Variants in DOT1L observed in about 807,000 individuals in gnomAD.
DOT1L encodes histone-lysine N-methyltransferase, H3 lysine-79 specific.
Under a neutral mutation model 153.3 loss-of-function variants are expected in DOT1L, and 33 were observed. That is an observed-to-expected ratio of 0.22 (90% CI 0.16 to 0.29). DOT1L has a LOEUF of 0.29. Ranked by LOEUF, DOT1L falls within the 10% of genes least tolerant of loss-of-function variation. The pLI, the probability that DOT1L is intolerant of heterozygous loss-of-function variation, is 1.00. For synonymous variants in DOT1L, 1,135 were observed against 965.1 expected (o/e 1.18, Z -3.26); for missense variants, 1,847 against 2,119.9 (o/e 0.87, Z 2.53).
intron 1 of DOT1L, among the ~76,000 whole-genome samples, chr19:2,170,002 C>T (rs973280353): frequency 3.4e-4 from 52 of 152,160 alleles, no homozygotes; most frequent in African/African-American, 1.3e-3. Context: ...ACCAAAAATA[C>T]AAAAATTAGC....
At position 2,217,050 on chromosome 19, in the gene DOT1L, C is replaced by G. The variant is rs2144873039; in HGVS notation, c.2504C>G (p.Pro835Arg). ...LSPQDPRPLS[P>R]GALQLAGEKS... ...CCTCAGGACCCGCGGCCCCTGTCCC[C>G]TGGGGCCTTGCAGCTTGCTGGAGAG... Residue 835 changes from proline (P) to arginine (R), a missense_variant, in exon 21 of 28, where the codon CCT becomes CGT. Pro to Arg is a moderately radical substitution (Grantham distance 103). This residue lies in a region of DOT1L where 281 missense variants were observed against 263.6 expected (regional missense o/e 1.07). Transcript: ENST00000398665. This position sits in a 1 kb window ranked among gnomAD's most constrained non-coding sequence, Gnocchi z 7.3. 2 of 1,611,522 alleles carry G rather than the reference C, an allele frequency of 1.2e-6. No individual in the cohort carries two copies. The highest frequency in any genetic ancestry group is 8.5e-7 in the Non-Finnish European group (1 of 1,178,928).
chr19:2,173,696 C>T (rs2021768269), intron 1 of DOT1L, among the ~76,000 whole-genome samples: 1 of 152,224 alleles, frequency 6.6e-6, no homozygotes, highest in South Asian at 2.1e-4. Flanking sequence ...CGGAAGACCT[C>T]CCCCAGACCC....
chr19:2,226,635 C>T lies in DOT1L; in HGVS notation c.4114C>T (p.Gln1372Ter). ...CGCCAACCCTTTCCTGAGCAAGAGG[C>T]AGCTGGACGGCCTGGCTGGGCTGAA... ...SDANPFLSKRQLDGLAGLKGE... is the reference protein window; with the variant it reads ...SDANPFLSKR The change falls in exon 27 of 28, where the codon CAG (glutamine) becomes TAG (stop). Residue 1372 changes from glutamine (Q) to a stop codon, truncating the protein, a stop_gained. Transcript: ENST00000398665. LOFTEE classifies it high-confidence loss of function. 1 of 1,591,638 alleles carries T rather than the reference C, an allele frequency of 6.3e-7. No individual in the cohort carries two copies.
Position 2,192,047 on chromosome 19 carries a change from C to T in DOT1L, c.493+807C>T, listed in dbSNP as rs138218832. On this transcript the variant is annotated intron_variant, in intron 5 of 27. Transcript: ENST00000398665. ...CACCCAAGGGTCAGACAGTGAAGGC[C>T]CCTTCTCCACAGTGTCTAGGCTGTC... Among the ~76,000 whole-genome samples the T allele has an allele frequency of 2.8e-4, 42 of 152,280 alleles. 1 individual carries two copies. The highest frequency in any genetic ancestry group is 9.9e-4 in the African/African-American group (41 of 41,578).
At chr19:2,200,504 C>T (rs1439501328) in intron 8 of DOT1L, among the ~76,000 whole-genome samples, 1 of 152,192 alleles carries the variant, frequency 6.6e-6, no homozygotes, top group African/African-American at 2.4e-5. Flanking sequence ...GGCTGGGCCC[C>T]CGTGCTTTCC....
chr19:2,220,624 T>G lies in DOT1L; in HGVS notation c.2806+402T>G. 2.3e-6 allele frequency: 1 copy of G among 433,688 alleles called. No individual in the cohort carries two copies. The highest frequency in any genetic ancestry group is 4.7e-6 in the Non-Finnish European group (1 of 213,506). The allele number at this position is 433,688 out of a possible 1,614,324, so 26.9% of individuals were successfully genotyped here. A position where few individuals can be genotyped will look rare whatever the true frequency, so the allele number is the denominator to read the frequency against. The stretch of plus-strand genomic sequence containing the variant: ...GTGCTGGTAGCGGCATGGTTTCTGG[T>G]TCCTTGAGAAGGTGCCGCCTGAGCA... On this transcript the variant is annotated intron_variant, in intron 23 of 27. Coordinates refer to ENST00000398665, the MANE Select transcript of DOT1L (RefSeq NM_032482.3). This position sits in a 1 kb window ranked among gnomAD's most constrained non-coding sequence, Gnocchi z 4.5.
intron 3 of DOT1L, among the ~76,000 whole-genome samples, chr19:2,187,024 C>G (rs2022542369): frequency 6.6e-6 from 1 of 152,210 alleles, no homozygotes; most frequent in African/African-American, 2.4e-5. Context: ...CCTGTGCTTT[C>G]GGGTTTTCAC....
At position 2,223,382 on chromosome 19, in the gene DOT1L, C is replaced by G; in HGVS notation, c.3492C>G (p.Pro1164=). ...PVPYQDHDQP[P]VLKKERPLSQ... is the part of the protein sequence containing the mutation. ...CCTACCAGGACCACGACCAGCCCCC[C>G]GTGCTCAAGAAGGAGCGGCCTCTGA... Residue 1164 remains proline, a synonymous_variant, in exon 25 of 28, where the codon CCC becomes CCG. Coordinates refer to ENST00000398665, the MANE Select transcript of DOT1L (RefSeq NM_032482.3). The G allele has an allele frequency of 6.2e-7, 1 of 1,613,842 alleles. No homozygotes were observed. Among genetic ancestry groups the G allele is most frequent in the African/African-American group, 1.3e-5 (1 of 74,976 alleles).
intron 25 of DOT1L, among the ~76,000 whole-genome samples, chr19:2,224,944 G>A (rs530122583): frequency 2.6e-5 from 4 of 152,196 alleles, no homozygotes; most frequent in African/African-American, 4.8e-5. Flanking sequence ...GGATCAAAGC[G>A]ACCCCATGCA....
At chr19:2,189,856 A>C (rs1599559259) in intron 4 of DOT1L, 61 bp downstream of exon 4, 1 of 1,571,532 alleles carries the variant, frequency 6.4e-7, no homozygotes, top group Non-Finnish European at 8.7e-7. Flanking sequence ...ACCCCTCCAG[A>C]CCCCTTATGT....
chr19:2,206,634 G>A (rs1027953140), intron 9 of DOT1L, 95 bp from the exon 10 acceptor site: 45 of 1,238,600 alleles, frequency 3.6e-5, no homozygotes, highest in Non-Finnish European at 5.1e-5. Context: ...GTGTGTGTGT[G>A]TTCCGTGTCA....
chr19:2,180,392 G>T (rs1025070732), intron 1 of DOT1L, among the ~76,000 whole-genome samples: 1 of 152,196 alleles, frequency 6.6e-6, no homozygotes, highest in Non-Finnish European at 1.5e-5. Context: ...CATGTGGAGC[G>T]GAGCTTGGGG....
Position 2,208,435 on chromosome 19 carries a change from G to C in DOT1L, c.964-500G>C, listed in dbSNP as rs974397922. ...GTCTGGGGACCGACAGCCCCAGGCAGATGCACCCCGCCCTCCCACTGCTCC... is the reference window on the plus strand; with the variant it reads ...GTCTGGGGACCGACAGCCCCAGGCACATGCACCCCGCCCTCCCACTGCTCC... On this transcript the variant is annotated intron_variant, in intron 11 of 27. Coordinates refer to ENST00000398665, the MANE Select transcript of DOT1L (RefSeq NM_032482.3). This position sits in a 1 kb window ranked among gnomAD's most constrained non-coding sequence, Gnocchi z 4.4. Among the ~76,000 whole-genome samples, 4 of 152,054 alleles carry C rather than the reference G, an allele frequency of 2.6e-5. No individual in the cohort carries two copies. Among genetic ancestry groups the C allele is most frequent in the Non-Finnish European group, 5.9e-5 (4 of 67,980 alleles).
At position 2,201,622 on chromosome 19, in the gene DOT1L, C is replaced by T. The variant is rs561936973; in HGVS notation, c.708-1078C>T. Among the ~76,000 whole-genome samples, 12 of 152,336 alleles carry T rather than the reference C, an allele frequency of 7.9e-5. No homozygotes were observed. In the South Asian group the frequency reaches 1.4e-3, roughly 18 times the overall value. On this transcript the variant is annotated intron_variant, in intron 8 of 27. Coordinates refer to ENST00000398665, the MANE Select transcript of DOT1L (RefSeq NM_032482.3). ...GGGTGTTCTGCCATCTGGAGGGAAT[C>T]GTGCTGACCCTGTGGTGTCCCCATC...
Position 2,210,679 on chromosome 19 carries a change from C to T in DOT1L, c.1175C>T (p.Ser392Phe), listed in dbSNP as rs770634414. 27 of 1,612,976 alleles carry T rather than the reference C, an allele frequency of 1.7e-5. No individual in the cohort carries two copies. Among genetic ancestry groups the T allele is most frequent in the Non-Finnish European group, 2.3e-5 (27 of 1,179,944 alleles). Residue 392 changes from serine to phenylalanine, a missense_variant, in exon 14 of 28, where the codon TCC (serine) becomes TTC (phenylalanine). Physicochemically the swap from Ser to Phe is radical, Grantham distance 155. Coordinates refer to ENST00000398665, the MANE Select transcript of DOT1L (RefSeq NM_032482.3). ...GAATVKKPSP[S>F]KARKKKLNKK... ...GCCACCGTGAAGAAGCCGTCTCCCT[C>T]CAAAGCCCGCAAGAAGAAGCTAAAC...
chr19:2,223,222 T>C (rs1421521041), intron 24 of DOT1L, 59 bp from the exon 25 acceptor site: 3 of 1,586,014 alleles, frequency 1.9e-6, no homozygotes, highest in Non-Finnish European at 2.6e-6. Context: ...GGGGGGGCTC[T>C]CCTGCCTTGG....
chr19:2,193,862 A>G lies in DOT1L; in HGVS notation c.588+79A>G, dbSNP rs1286585582. On this transcript the variant is annotated intron_variant, in intron 6 of 27. Coordinates refer to ENST00000398665, the MANE Select transcript of DOT1L (RefSeq NM_032482.3). The surrounding 1 kb of genome is among the most constrained non-coding windows in gnomAD (Gnocchi z 5.9). ...GTGACGCCCTGGGTGCCTGCACCCC[A>G]CTGCTGTGGGACTTCCGAGTCTGGG... 7.1e-7 allele frequency: 1 copy of G among 1,412,464 alleles called. No individual in the cohort carries two copies. Among genetic ancestry groups the G allele is most frequent in the East Asian group, 2.3e-5 (1 of 43,368 alleles). The allele number at this position is 1,412,464 out of a possible 1,614,324, so 87.5% of individuals were successfully genotyped here.
rs1234593797 is a variant in DOT1L, at chr19:2,204,073, G to A, written c.787+1294G>A. 6.6e-6 allele frequency among the ~76,000 whole-genome samples: 1 copy of A among 152,180 alleles called. No homozygotes were observed. On this transcript the variant is annotated intron_variant, in intron 9 of 27. Transcript: ENST00000398665. This position sits in a 1 kb window ranked among gnomAD's most constrained non-coding sequence, Gnocchi z 5.7. ...CAGCACCAACGCCCCACAACCTGGGGGTTTGGAGGGTGCTTGTGTGCCTGT... is the reference window on the plus strand; with the variant it reads ...CAGCACCAACGCCCCACAACCTGGGAGTTTGGAGGGTGCTTGTGTGCCTGT...
At chr19:2,180,141 C>G (rs570754152) in intron 1 of DOT1L, among the ~76,000 whole-genome samples, 3 of 152,074 alleles carry the variant, frequency 2.0e-5, no homozygotes, top group Non-Finnish European at 4.4e-5. Flanking sequence ...ATGGCGAGGC[C>G]GCCCACGTGG....
Sources: gnomAD v4.1 joint callset for allele counts (sites outside exome capture counted in the v4.1 genomes callset) on GRCh38, gnomAD v4.1.1 for gene constraint, gnomAD v4.1.1 regional missense constraint, Gnocchi (gnomAD v3.1) non-coding constraint, MANE v1.5 for transcripts, NCBI Gene and HGNC (gene_info 2026-07-23, HGNC 2026-07-21) for gene names.